NID1: variants seen among roughly 807,000 people sequenced by gnomAD.
The protein encoded by NID1 is nidogen-1.
Under a neutral mutation model 130.6 loss-of-function variants are expected in NID1, and 76 were observed. That is an observed-to-expected ratio of 0.58 (90% CI 0.48 to 0.70). The LOEUF (loss-of-function observed/expected upper bound fraction) is 0.70, where lower values mean the gene tolerates loss of function less well. Among genes scored for constraint, NID1 ranks in the 30% least tolerant of loss-of-function variants. The probability of loss-of-function intolerance (pLI) is 0.00; values close to 1 mark genes in which losing one functional copy is unlikely to be tolerated. For missense variants in NID1, 1,517 were observed against 1,664.8 expected, an observed-to-expected ratio of 0.91 and a Z score of 1.54; for synonymous variants, 665 against 675.1, an observed-to-expected ratio of 0.98 and a Z score of 0.23.
chr1:236,057,136 G>A (rs61833495), intron 1 of NID1, among the ~76,000 whole-genome samples: 5,226 of 152,228 alleles, frequency 0.034, 134 homozygotes, highest in Non-Finnish European at 0.054. Flanking sequence ...GTGGGTGCCT[G>A]TAATCCCAGC....
At position 235,977,557 on chromosome 1, in the gene NID1, A is replaced by C; in HGVS notation, c.*310T>G. On this transcript the variant is annotated 3_prime_UTR_variant, in exon 20 of 20. Transcript: ENST00000264187. ...AGGTTCTGTTCACCACTGGGGGGCT[A>C]GTATTGGGAAAAGGTCCTAGGACAC... 4.1e-6 allele frequency: 1 copy of C among 246,190 alleles called. No individual in the cohort carries two copies. Among genetic ancestry groups the C allele is most frequent in the Non-Finnish European group, 8.0e-6 (1 of 125,264 alleles). 15.3% of individuals were successfully genotyped at this position (246,190 alleles called of 1,614,324 possible). A position where few individuals can be genotyped will look rare whatever the true frequency, so the allele number is the denominator to read the frequency against.
chr1:236,049,303 C>A (rs1388530971), intron 1 of NID1, among the ~76,000 whole-genome samples: 1 of 152,032 alleles, frequency 6.6e-6, no homozygotes, highest in Non-Finnish European at 1.5e-5. Flanking sequence ...AAAGTGAGAT[C>A]CCATCTCTAC....
At chr1:236,023,058 CA>C (rs36037520) in intron 9 of NID1, among the ~76,000 whole-genome samples, 96 of 138,478 alleles carry the variant, frequency 6.9e-4, no homozygotes, top group Admixed American at 2.0e-3. Context: ...GACGCCATCT[CA>C]AAAAAAAAAA....
intron 17 of NID1, 57 bp downstream of exon 17, chr1:235,980,439 C>T: frequency 1.3e-6 from 2 of 1,580,786 alleles, no homozygotes; most frequent in Admixed American, 1.8e-5. Context: ...CCTAGTTTGC[C>T]CACCCCTGAC....
At chr1:236,021,779 G>C (rs143942311) in intron 9 of NID1, among the ~76,000 whole-genome samples, 1 of 152,286 alleles carries the variant, frequency 6.6e-6, no homozygotes, top group East Asian at 1.9e-4. Context: ...AGCACTGCTC[G>C]AAGCACTTGG....
chr1:235,989,725 G>A (rs1657675436), intron 14 of NID1, among the ~76,000 whole-genome samples: 1 of 152,252 alleles, frequency 6.6e-6, no homozygotes, highest in Non-Finnish European at 1.5e-5. Flanking sequence ...CTGGACAGGG[G>A]GATCAGGACA....
chr1:235,977,827 G>T lies in NID1; in HGVS notation c.*40C>A. 1 of 1,608,154 alleles carries T rather than the reference G, an allele frequency of 6.2e-7. No individual in the cohort carries two copies. The highest frequency in any genetic ancestry group is 8.5e-7 in the Non-Finnish European group (1 of 1,176,106). ...ACCAAGTTGCTTCAAGTAGAGTGTT[G>T]CTGTGAAATACTTGGAAAGGAAATA... On this transcript the variant is annotated 3_prime_UTR_variant, in exon 20 of 20. Coordinates refer to ENST00000264187, the MANE Select transcript of NID1 (RefSeq NM_002508.3).
Position 236,042,174 on chromosome 1 carries a change from C to G in NID1, c.871G>C (p.Asp291His), listed in dbSNP as rs770520429. ...LGTEDGAEYD[D>H]EDEDYDLATT... is the part of the protein sequence containing the mutation. ...GCCAGGTCATAATCTTCATCCTCAT[C>G]ATCATACTCTGCCCCATCTTCAGTT... Residue 291 changes from aspartate to histidine, a missense_variant, in exon 4 of 20, where the codon GAT becomes CAT. Transcript: ENST00000264187. 4 of 1,614,118 alleles carry G rather than the reference C, an allele frequency of 2.5e-6. No individual in the cohort carries two copies. The highest frequency in any genetic ancestry group is 1.7e-5 in the Admixed American group (1 of 60,028).
intron 12 of NID1, among the ~76,000 whole-genome samples, chr1:236,000,980 G>A (rs1039133966): frequency 2.0e-5 from 3 of 152,018 alleles, no homozygotes; most frequent in African/African-American, 7.3e-5. Context: ...CAGAGTCCAC[G>A]CCCCACTACA....
intron 9 of NID1, among the ~76,000 whole-genome samples, chr1:236,021,229 T>G (rs1275535469): frequency 1.3e-5 from 2 of 152,158 alleles, no homozygotes; most frequent in Non-Finnish European, 2.9e-5. Context: ...CCAGAGCCAA[T>G]TCAGCCATTC....
At chr1:236,029,292 G>T (rs964604869) in intron 7 of NID1, among the ~76,000 whole-genome samples, 10 of 152,184 alleles carry the variant, frequency 6.6e-5, no homozygotes, top group Non-Finnish European at 1.2e-4. Flanking sequence ...AAGCTGAAAA[G>T]AAATACACTT....
intron 11 of NID1, among the ~76,000 whole-genome samples, chr1:236,012,643 A>T (rs575348242): frequency 2.3e-4 from 35 of 151,886 alleles, no homozygotes; most frequent in African/African-American, 6.8e-4. Flanking sequence ...TATTTGTATT[A>T]TAAAATTCTC....
In NID1 at chr1:236,029,687, T is replaced by C. The variant is rs1659041487; in HGVS notation, c.1601A>G (p.Lys534Arg). Reference sequence around the variant, plus strand: ...CTCATCGATGCCGCTGAACCGCTGCTTAATGACCAGATTGCCCGGGTGCCC... The same window carrying C: ...CTCATCGATGCCGCTGAACCGCTGCCTAATGACCAGATTGCCCGGGTGCCC... ...FVGHPGNLVIKQRFSGIDEHG... is the reference protein window; with the variant it reads ...FVGHPGNLVIRQRFSGIDEHG... Residue 534 changes from lysine to arginine, a missense_variant, in exon 7 of 20, where the codon AAG becomes AGG. Transcript: ENST00000264187. 1.2e-6 allele frequency: 2 copies of C among 1,614,014 alleles called. No individual in the cohort carries two copies. The highest frequency in any genetic ancestry group is 2.2e-5 in the East Asian group (1 of 44,898).
intron 10 of NID1, among the ~76,000 whole-genome samples, chr1:236,015,667 A>G (rs75348656): frequency 1.3e-5 from 2 of 149,840 alleles, no homozygotes; most frequent in Non-Finnish European, 1.5e-5. Context: ...AAAAAAAAAA[A>G]GGGAGGCTAG....
chr1:236,014,866 T>C (rs1240176118), intron 10 of NID1, among the ~76,000 whole-genome samples: 2 of 152,362 alleles, frequency 1.3e-5, no homozygotes, highest in East Asian at 3.9e-4. Context: ...AGCTGACTTA[T>C]GGGCAAGCTG....
At chr1:236,002,123 G>A (rs74149225) in intron 12 of NID1, among the ~76,000 whole-genome samples, 3,538 of 152,308 alleles carry the variant, frequency 0.023, 144 homozygotes, top group African/African-American at 0.081. Flanking sequence ...TGGGAGAAGC[G>A]GCTGGCTGTG....
chr1:236,048,313 C>T (rs545040216), intron 2 of NID1, among the ~76,000 whole-genome samples: 7 of 151,390 alleles, frequency 4.6e-5, no homozygotes, highest in East Asian at 1.9e-4. Flanking sequence ...CCAGCCTGGG[C>T]GACAGAGCGA....
At position 236,025,836 on chromosome 1, in the gene NID1, A is replaced by G. The variant is rs1190010571; in HGVS notation, c.1984+60T>C. The G allele has an allele frequency of 6.3e-6, 10 of 1,580,592 alleles. No individual in the cohort carries two copies. The East Asian group carries it at 1.8e-4, about 29-fold the overall frequency. ...GAGTAAGAGACCAAAAACAATGTCA[A>G]AGAGTGGGGTTTTAAAAATGCATGA... On this transcript the variant is annotated intron_variant, in intron 8 of 19. Transcript: ENST00000264187.
Position 235,981,706 on chromosome 1 carries a change from T to G in NID1, c.3132A>C (p.Arg1044=), listed in dbSNP as rs368383675. ...TGCCGTCCAGCTTCGCCACTTCTAT[T>G]CGATCCAGGTTAGAGTCTGTCCAGA... ...NIFWTDSNLD[R]IEVAKLDGTQ... The change falls in exon 16 of 20, where the codon CGA becomes CGC. Residue 1044 remains arginine, a synonymous_variant. Transcript: ENST00000264187. The G allele has an allele frequency of 3.1e-6, 5 of 1,614,146 alleles. No homozygotes were observed. The highest frequency in any genetic ancestry group is 2.7e-5 in the African/African-American group (2 of 74,958).
Sources: allele counts gnomAD v4.1 joint callset (sites outside exome capture counted in the v4.1 genomes callset), GRCh38; gene constraint gnomAD v4.1.1; transcripts MANE v1.5; gene names NCBI Gene and HGNC (gene_info 2026-07-23, HGNC 2026-07-21).